SMYD3: variants seen among roughly 807,000 people sequenced by gnomAD.
SMYD3 encodes the protein SET and MYND domain containing 3, also known as histone-lysine N-methyltransferase SMYD3.
A neutral mutation model predicts 57.7 loss-of-function variants in SMYD3; 36 were observed. That is an observed-to-expected ratio of 0.62 (90% CI 0.48 to 0.82). The LOEUF is 0.82. Ranked by LOEUF, SMYD3 falls within the 40% of genes least tolerant of loss-of-function variation. The probability of loss-of-function intolerance (pLI) is 0.00; values close to 1 mark genes in which losing one functional copy is unlikely to be tolerated. For missense variants in SMYD3, 515 were observed against 538.8 expected (o/e 0.96, Z 0.44); for synonymous variants, 211 against 195.0 (o/e 1.08, Z -0.68).
intron 10 of SMYD3, among the ~76,000 whole-genome samples, chr1:245,791,131 A>G (rs936181939): frequency 6.6e-6 from 1 of 152,128 alleles, no homozygotes; most frequent in Non-Finnish European, 1.5e-5. Context: ...CTACCAGACA[A>G]GCAATTCCTC....
intron 1 of SMYD3, among the ~76,000 whole-genome samples, chr1:246,463,053 A>G (rs2067826259): frequency 6.6e-6 from 1 of 152,142 alleles, no homozygotes; most frequent in African/African-American, 2.4e-5. Flanking sequence ...AATGACTGCA[A>G]TGAGATTGAG....
At chr1:246,256,976 T>A (rs537273893) in intron 5 of SMYD3, among the ~76,000 whole-genome samples, 5 of 152,320 alleles carry the variant, frequency 3.3e-5, no homozygotes, top group African/African-American at 1.2e-4. Context: ...TGGTTTTGAG[T>A]CCTTTAAGGT....
chr1:246,012,042 A>G (rs1286908944), intron 5 of SMYD3, among the ~76,000 whole-genome samples: 2 of 152,124 alleles, frequency 1.3e-5, no homozygotes, highest in Non-Finnish European at 2.9e-5. Flanking sequence ...CAATATCATT[A>G]TCCACTGATA....
chr1:246,378,879 A>G (rs2148746599), intron 1 of SMYD3, among the ~76,000 whole-genome samples: 1 of 131,814 alleles, frequency 7.6e-6, no homozygotes, highest in South Asian at 2.2e-4. Context: ...AATATATTAT[A>G]TATATAAAGC....
intron 5 of SMYD3, among the ~76,000 whole-genome samples, chr1:246,109,014 C>T (rs543043960): frequency 6.6e-6 from 1 of 152,318 alleles, no homozygotes; most frequent in Non-Finnish European, 1.5e-5. Flanking sequence ...TAACACTCTT[C>T]ATATGCCATG....
At position 245,929,888 on chromosome 1, in the gene SMYD3, C is replaced by T. The variant is rs1286479947; in HGVS notation, c.581G>A (p.Gly194Asp). Residue 194 changes from glycine to aspartate, a missense_variant, in exon 6 of 12, where the codon GGT becomes GAT. By Grantham distance (94) the Gly-to-Asp change is moderately conservative. Coordinates refer to ENST00000490107, the MANE Select transcript of SMYD3 (RefSeq NM_001167740.2). ...TICNAEMQEV[G>D]VGLYPSISLL... The stretch of plus-strand genomic sequence containing the variant: ...ACCATACCTGGGATATAGGCCAACA[C>T]CAACTTCCTGCATCTCCGCATTACA... 1.9e-6 allele frequency: 3 copies of T among 1,613,796 alleles called. No homozygotes were observed. The highest frequency in any genetic ancestry group is 1.7e-5 in the Admixed American group (1 of 60,004).
intron 8 of SMYD3, among the ~76,000 whole-genome samples, chr1:245,865,392 G>C (rs575879723): frequency 6.6e-6 from 1 of 152,242 alleles, no homozygotes; most frequent in East Asian, 1.9e-4. Context: ...CAATTCAGAG[G>C]TGAAATATTC....
At position 246,023,622 on chromosome 1, in the gene SMYD3, T is replaced by C. The variant is rs140923589; in HGVS notation, c.532-93685A>G. 6.8e-3 allele frequency among the ~76,000 whole-genome samples: 1,031 copies of C among 152,296 alleles called. 6 individuals carry two copies. Among genetic ancestry groups the C allele is most frequent in the South Asian group, 0.03 (143 of 4,826 alleles). The stretch of plus-strand genomic sequence containing the variant: ...ATAAATTGTTTCACTTTGGGAGTTA[T>C]ATTTACTAGAAGAATGAAGCTCTTG... On this transcript the variant is annotated intron_variant, in intron 5 of 11. Transcript: ENST00000490107.
At chr1:246,169,678 CG>C (rs1424774177) in intron 5 of SMYD3, among the ~76,000 whole-genome samples, 1 of 151,998 alleles carries the variant, frequency 6.6e-6, no homozygotes, top group Non-Finnish European at 1.5e-5. Flanking sequence ...CCAAGGCAGG[CG>C]GATCACCTTA....
chr1:245,789,884 G>A (rs1468685350), intron 10 of SMYD3, among the ~76,000 whole-genome samples: 2 of 152,346 alleles, frequency 1.3e-5, no homozygotes, highest in East Asian at 3.9e-4. Context: ...TTGGAAAAGT[G>A]AAACTAGAAT....
At chr1:246,468,991 A>G (rs750014916) in intron 1 of SMYD3, among the ~76,000 whole-genome samples, 1 of 152,168 alleles carries the variant, frequency 6.6e-6, no homozygotes, top group African/African-American at 2.4e-5. Flanking sequence ...GCCTCTGTAC[A>G]TGGTAGCCTT....
At chr1:245,955,951 G>T (rs968546405) in intron 5 of SMYD3, 8 of 984,558 alleles carry the variant, frequency 8.1e-6, no homozygotes, top group Admixed American at 6.2e-5. Context: ...GTTTATAGCT[G>T]ACAGACCTCT....
At chr1:245,907,088 G>A (rs2054615870) in intron 8 of SMYD3, among the ~76,000 whole-genome samples, 1 of 152,188 alleles carries the variant, frequency 6.6e-6, no homozygotes, top group African/African-American at 2.4e-5. Context: ...GTTTACAGGG[G>A]ACGTGAGGAT....
intron 5 of SMYD3, among the ~76,000 whole-genome samples, chr1:246,008,740 G>T (rs1408297349): frequency 6.6e-6 from 1 of 152,046 alleles, no homozygotes; most frequent in Non-Finnish European, 1.5e-5. Flanking sequence ...AATTTTCTCG[G>T]TTTCGTTTTT....
chr1:245,816,859 C>T (rs2048839630), intron 10 of SMYD3, among the ~76,000 whole-genome samples: 1 of 151,790 alleles, frequency 6.6e-6, no homozygotes, highest in Non-Finnish European at 1.5e-5. Context: ...AAACGGCGCA[C>T]CACGAGATTA....
chr1:246,249,014 G>C (rs2063757287), intron 5 of SMYD3, among the ~76,000 whole-genome samples: 1 of 151,764 alleles, frequency 6.6e-6, no homozygotes. Context: ...ATAAGATCAA[G>C]AACAAGATGC....
At chr1:245,945,982 C>T (rs532551592) in intron 5 of SMYD3, among the ~76,000 whole-genome samples, 30 of 152,212 alleles carry the variant, frequency 2.0e-4, no homozygotes, top group Non-Finnish European at 3.4e-4. Flanking sequence ...GGCGGAAGAA[C>T]ATCAGCATAA....
chr1:245,855,028 A>C (rs558461156), intron 10 of SMYD3, among the ~76,000 whole-genome samples: 12 of 152,354 alleles, frequency 7.9e-5, no homozygotes, highest in Admixed American at 5.2e-4. Context: ...TTCCAGAAGG[A>C]AACTTTTAGC....
At chr1:245,773,480 G>T (rs1207077375) in intron 10 of SMYD3, among the ~76,000 whole-genome samples, 2 of 152,226 alleles carry the variant, frequency 1.3e-5, no homozygotes, top group African/African-American at 4.8e-5. Flanking sequence ...CGAGCAGCCT[G>T]GCTGGCAGCA....
Sources: allele counts gnomAD v4.1 joint callset (sites outside exome capture counted in the v4.1 genomes callset), GRCh38; gene constraint gnomAD v4.1.1; transcripts MANE v1.5; gene names NCBI Gene and HGNC (gene_info 2026-07-23, HGNC 2026-07-21).